UQCC1: variants seen among roughly 807,000 people sequenced by gnomAD.
The protein encoded by UQCC1 is ubiquinol-cytochrome c reductase complex assembly factor 1, also known as bFGF-repressed Zic-binding protein.
Under a neutral mutation model 48.0 loss-of-function variants are expected in UQCC1, and 38 were observed. That is an observed-to-expected ratio of 0.79 (90% confidence interval 0.61 to 1.04). The LOEUF (loss-of-function observed/expected upper bound fraction) is 1.04, where lower values mean the gene tolerates loss of function less well. Ranked by LOEUF, UQCC1 falls within the 50% of genes least tolerant of loss-of-function variation. UQCC1 has a pLI of 0.00. For synonymous variants in UQCC1, 111 were observed against 129.2 expected, an observed-to-expected ratio of 0.86 and a Z score of 0.95; for missense variants, 368 against 381.8, an observed-to-expected ratio of 0.96 and a Z score of 0.30.
chr20:35,347,175 T>C lies in UQCC1; in HGVS notation c.562A>G (p.Arg188Gly), dbSNP rs1181405203. Reference sequence around the variant, plus strand: ...CAGCACTCACTTACCCCCATGACTCTGCCGCGCTGCTGAACATCCTCCCAC... The same window carrying C: ...CAGCACTCACTTACCCCCATGACTCCGCCGCGCTGCTGAACATCCTCCCAC... ...FMWEDVQQRG[R>G]VMGVNPYILK... The change falls in exon 7 of 10, where the codon AGA becomes GGA. Residue 188 changes from arginine to glycine, a missense_variant. Coordinates refer to ENST00000374385, the MANE Select transcript of UQCC1 (RefSeq NM_018244.5). 6.2e-7 allele frequency: 1 copy of C among 1,614,232 alleles called. No homozygotes were observed. The highest frequency in any genetic ancestry group is 1.1e-5 in the South Asian group (1 of 91,086).
At chr20:35,398,767 G>C (rs1157355541) in intron 1 of UQCC1, among the ~76,000 whole-genome samples, 4 of 128,034 alleles carry the variant, frequency 3.1e-5, no homozygotes, top group Non-Finnish European at 6.7e-5. Flanking sequence ...GGGGGGGGGG[G>C]GGCGGTGCAG....
chr20:35,380,710 C>G (rs2061855563), intron 4 of UQCC1, among the ~76,000 whole-genome samples: 1 of 152,170 alleles, frequency 6.6e-6, no homozygotes. Context: ...TAGGCTTACC[C>G]AATATTCCAG....
chr20:35,386,271 T>C (rs1268389364), intron 2 of UQCC1: 1 of 439,860 alleles, frequency 2.3e-6, no homozygotes, highest in Admixed American at 2.6e-5. Context: ...ACTAATGCTA[T>C]ATTACCTTTA....
intron 2 of UQCC1, among the ~76,000 whole-genome samples, chr20:35,387,121 C>A (rs1218246586): frequency 6.8e-6 from 1 of 147,632 alleles, no homozygotes; most frequent in Admixed American, 6.8e-5. Flanking sequence ...TACCCCCCTC[C>A]AAAAAAAAAC....
chr20:35,318,329 C>T (rs1433861912), intron 7 of UQCC1, among the ~76,000 whole-genome samples: 1 of 152,222 alleles, frequency 6.6e-6, no homozygotes, highest in Admixed American at 6.5e-5. Context: ...AGGATTAGAA[C>T]CTGATTTCTG....
At chr20:35,376,291 G>C (rs2146466884) in intron 4 of UQCC1, among the ~76,000 whole-genome samples, 1 of 151,838 alleles carries the variant, frequency 6.6e-6, no homozygotes, top group African/African-American at 2.4e-5. Context: ...CTGGGCGACA[G>C]AGCCAGACTC....
At chr20:35,375,615 A>G (rs2061786994) in intron 4 of UQCC1, among the ~76,000 whole-genome samples, 1 of 152,180 alleles carries the variant, frequency 6.6e-6, no homozygotes, top group African/African-American at 2.4e-5. Flanking sequence ...TATAGTAAAG[A>G]TCAGAAATCA....
intron 7 of UQCC1, among the ~76,000 whole-genome samples, chr20:35,334,374 AT>A (rs2061291175): frequency 6.6e-6 from 1 of 152,222 alleles, no homozygotes; most frequent in East Asian, 1.9e-4. Flanking sequence ...GAGAATCTGC[AT>A]TTACCATTGC....
intron 1 of UQCC1, among the ~76,000 whole-genome samples, chr20:35,403,029 T>TG (rs1344435720): frequency 6.6e-6 from 1 of 151,342 alleles, no homozygotes; most frequent in Non-Finnish European, 1.5e-5. Flanking sequence ...ATCGCGCCAT[T>TG]GCACTCCAGC....
At chr20:35,362,404 C>T (rs770655146) in intron 6 of UQCC1, among the ~76,000 whole-genome samples, 3 of 152,130 alleles carry the variant, frequency 2.0e-5, no homozygotes, top group Non-Finnish European at 4.4e-5. Context: ...GTCGTCTAGG[C>T]CGGAGTGCGT....
intron 6 of UQCC1, among the ~76,000 whole-genome samples, chr20:35,352,799 C>T (rs1050834468): frequency 6.6e-6 from 1 of 152,162 alleles, no homozygotes; most frequent in East Asian, 1.9e-4. Context: ...CCTCCTGCCT[C>T]GGCATCCTAA....
intron 7 of UQCC1, among the ~76,000 whole-genome samples, chr20:35,343,304 CTTTCT>C (rs1462437880): frequency 6.6e-6 from 1 of 152,162 alleles, no homozygotes; most frequent in Non-Finnish European, 1.5e-5. Flanking sequence ...CTGTCCCCAC[CTTTCT>C]TTTAATACAG....
intron 3 of UQCC1, 38 bp downstream of exon 3, chr20:35,384,000 A>G: frequency 6.4e-7 from 1 of 1,561,046 alleles, no homozygotes; most frequent in Non-Finnish European, 8.8e-7. Flanking sequence ...CCTGTGTGAA[A>G]GCACTCTATA....
chr20:35,405,686 G>T (rs1038459606), intron 1 of UQCC1, among the ~76,000 whole-genome samples: 7 of 152,154 alleles, frequency 4.6e-5, no homozygotes, highest in Non-Finnish European at 7.4e-5. Flanking sequence ...TCAGGAGTTT[G>T]AGACCATCCT....
At chr20:35,339,521 C>G (rs750696977) in intron 7 of UQCC1, among the ~76,000 whole-genome samples, 2 of 152,156 alleles carry the variant, frequency 1.3e-5, no homozygotes, top group Non-Finnish European at 2.9e-5. Context: ...AGCACACTTA[C>G]GGCACCAGTG....
chr20:35,307,406 G>A (rs545806551), intron 8 of UQCC1, among the ~76,000 whole-genome samples: 1 of 152,354 alleles, frequency 6.6e-6, no homozygotes, highest in African/African-American at 2.4e-5. Context: ...TTGCATGTGT[G>A]TGTGTGCCTA....
intron 7 of UQCC1, chr20:35,346,792 A>C (rs1448412504): frequency 1.8e-6 from 1 of 547,996 alleles, no homozygotes; most frequent in African/African-American, 1.9e-5. Flanking sequence ...CATCAGAACT[A>C]ATTTATAGAA....
chr20:35,347,397 CTT>C, intron 6 of UQCC1, 125 bp from the exon 7 acceptor site: 10 of 889,484 alleles, frequency 1.1e-5, no homozygotes, highest in Non-Finnish European at 1.6e-5. Context: ...TGGAAGTGAA[CTT>C]TTTTTTTTTA....
chr20:35,407,025 A>C (rs552201175), intron 1 of UQCC1, among the ~76,000 whole-genome samples: 115 of 152,358 alleles, frequency 7.5e-4, no homozygotes, highest in African/African-American at 2.6e-3. Context: ...CAAAATGGAT[A>C]AAAGACCAAA....
Sources: allele counts gnomAD v4.1 joint callset (sites outside exome capture counted in the v4.1 genomes callset), GRCh38; gene constraint gnomAD v4.1.1; transcripts MANE v1.5; gene names NCBI Gene and HGNC (gene_info 2026-07-23, HGNC 2026-07-21).